Variants in UNC93A observed in about 807,000 individuals in gnomAD.
UNC93A encodes N-acetylglucosamine transporter UNC93A.
UNC93A carries 43 observed loss-of-function variants against 47.5 expected under a neutral mutation model. The ratio of observed to expected loss-of-function variants is 0.91; its 90% CI spans 0.71 to 1.17. The LOEUF is 1.17. Among genes scored for constraint, UNC93A ranks in the 50% most tolerant of loss-of-function variants. The probability of loss-of-function intolerance (pLI) is 0.00; values close to 1 mark genes in which losing one functional copy is unlikely to be tolerated. For synonymous variants in UNC93A, 280 were observed against 258.0 expected (o/e 1.09, Z -0.82); for missense variants, 605 against 577.6 (o/e 1.05, Z -0.49).
intron 4 of UNC93A, among the ~76,000 whole-genome samples, chr6:167,300,732 C>T (rs1778220040): frequency 6.6e-6 from 1 of 152,138 alleles, no homozygotes; most frequent in Admixed American, 6.5e-5. Flanking sequence ...GCTTCCCCAA[C>T]ACTTCCCCTC....
chr6:167,295,962 A>C, intron 2 of UNC93A, 70 bp from the exon 3 acceptor site: 1 of 1,440,018 alleles, frequency 6.9e-7, no homozygotes, highest in East Asian at 2.3e-5. Flanking sequence ...TGACTAAAGA[A>C]CTGCAGGGAC....
chr6:167,295,301 A>T (rs1778027631), intron 2 of UNC93A, among the ~76,000 whole-genome samples: 1 of 152,254 alleles, frequency 6.6e-6, no homozygotes, highest in South Asian at 2.1e-4. Flanking sequence ...TCTTCCCGGT[A>T]GCTGCAGAGT....
chr6:167,275,360 T>C (rs1416292630), intron 1 of UNC93A, among the ~76,000 whole-genome samples: 2 of 152,224 alleles, frequency 1.3e-5, no homozygotes, highest in Non-Finnish European at 2.9e-5. Flanking sequence ...TCTGTTGGAA[T>C]ACAGGTCAGT....
At chr6:167,292,995 C>A (rs909709231) in intron 1 of UNC93A, among the ~76,000 whole-genome samples, 1 of 152,136 alleles carries the variant, frequency 6.6e-6, no homozygotes. Context: ...GAAAATTGGC[C>A]TCTGGACTTG....
upstream of UNC93A, among the ~76,000 whole-genome samples, chr6:167,290,761 CT>C (rs1286078198): frequency 6.6e-6 from 1 of 152,192 alleles, no homozygotes; most frequent in East Asian, 1.9e-4. Context: ...TTTAACTTTT[CT>C]GAAGCTGTTT....
Position 167,315,377 on chromosome 6 carries a change from C to G in UNC93A, c.1299C>G (p.Ser433=). Residue 433 remains serine, a synonymous_variant, in exon 8 of 8, where the codon TCC becomes TCG. Transcript: ENST00000230256. ...VAYGLVECVE[S]KNPIRPHAPG... is the part of the protein sequence containing the mutation. ...ATGGGCTTGTGGAGTGCGTGGAGTC[C>G]AAGAACCCGATCAGACCCCACGCTC... The G allele has an allele frequency of 1.2e-6, 2 of 1,613,904 alleles. No homozygotes were observed. The highest frequency in any genetic ancestry group is 1.7e-6 in the Non-Finnish European group (2 of 1,179,866).
chr6:167,305,844 G>A (rs1429606766), intron 5 of UNC93A, 71 bp from the exon 6 acceptor site: 4 of 1,604,960 alleles, frequency 2.5e-6, no homozygotes, highest in South Asian at 2.2e-5. Context: ...CTAAGCACCC[G>A]ACTGCAGCTT....
intron 7 of UNC93A, 61 bp from the exon 8 acceptor site, chr6:167,315,126 T>G: frequency 1.9e-6 from 3 of 1,586,066 alleles, no homozygotes; most frequent in Non-Finnish European, 2.6e-6. Flanking sequence ...TGTGCTCTTT[T>G]CACAAACAGG....
chr6:167,313,006 G>C (rs1778600109), intron 7 of UNC93A, among the ~76,000 whole-genome samples: 1 of 152,136 alleles, frequency 6.6e-6, no homozygotes, highest in African/African-American at 2.4e-5. Context: ...TTTCTTAAAG[G>C]CAGTTCCAGC....
chr6:167,295,452 C>T (rs1229030066), intron 2 of UNC93A, among the ~76,000 whole-genome samples: 7 of 114,604 alleles, frequency 6.1e-5, no homozygotes, highest in South Asian at 3.0e-4. Flanking sequence ...TCGTGCTCCT[C>T]GCCTCCCTCG....
intron 7 of UNC93A, 49 bp from the exon 8 acceptor site, chr6:167,315,138 T>C: frequency 1.3e-6 from 2 of 1,597,188 alleles, no homozygotes; most frequent in South Asian, 2.3e-5. Flanking sequence ...ACAAACAGGG[T>C]CACTGTGGGG....
intron 3 of UNC93A, among the ~76,000 whole-genome samples, chr6:167,297,701 C>G (rs892328448): frequency 5.9e-5 from 9 of 152,160 alleles, no homozygotes; most frequent in Admixed American, 3.9e-4. Flanking sequence ...TCATTCTTCC[C>G]TGAATCTTTG....
intron 1 of UNC93A, chr6:167,271,572 G>T (rs191356033): frequency 7.2e-5 from 11 of 152,232 alleles, no homozygotes; most frequent in African/African-American, 2.7e-4. Context: ...TGGTTTACAG[G>T]CTCGTCAGCC....
chr6:167,269,777 T>C (rs867472722), upstream of UNC93A, among the ~76,000 whole-genome samples: 2 of 151,628 alleles, frequency 1.3e-5, no homozygotes, highest in East Asian at 3.9e-4. Context: ...TGGCTTTTTT[T>C]TGTGTGTGTG....
intron 7 of UNC93A, among the ~76,000 whole-genome samples, chr6:167,310,407 G>C (rs1242339884): frequency 6.6e-6 from 1 of 152,286 alleles, no homozygotes; most frequent in East Asian, 1.9e-4. Context: ...ATGGACACAT[G>C]ATACTCTCAG....
chr6:167,295,888 A>T (rs111827414), intron 2 of UNC93A, 144 bp from the exon 3 acceptor site: 20 of 695,122 alleles, frequency 2.9e-5, no homozygotes, highest in Non-Finnish European at 4.7e-5. Flanking sequence ...GAATCCATCC[A>T]TCCAACCAGC....
Position 167,296,339 on chromosome 6 carries a change from A to G in UNC93A, c.499+78A>G, listed in dbSNP as rs138116852. On this transcript the variant is annotated intron_variant, in intron 3 of 7. Transcript: ENST00000230256. Reference sequence around the variant, plus strand: ...GATGGGGGAGAGGGTTCCTGATTTCAGTTGCACACCTGCCTTGATTCTGTA... The same window carrying G: ...GATGGGGGAGAGGGTTCCTGATTTCGGTTGCACACCTGCCTTGATTCTGTA... The G allele has an allele frequency of 1.1e-3, 1,567 of 1,445,906 alleles. 12 individuals are homozygous for G. The African/African-American group carries it at 0.017, about 16-fold the overall frequency. The allele number at this position is 1,445,906 out of a possible 1,614,324, so 89.6% of individuals were successfully genotyped here. A position where few individuals can be genotyped will look rare whatever the true frequency, so the allele number is the denominator to read the frequency against.
At position 167,291,557 on chromosome 6, in the gene UNC93A, G is replaced by A; in HGVS notation, c.68G>A (p.Gly23Glu). 1 of 1,613,140 alleles carries A rather than the reference G, an allele frequency of 6.2e-7. No homozygotes were observed. The highest frequency in any genetic ancestry group is 8.5e-7 in the Non-Finnish European group (1 of 1,179,604). The stretch of plus-strand genomic sequence containing the variant: ...TTCCTGCTTCTCTTTACAGCCTATG[G>A]AGGTCTGCAGAGCCTGCAGGTATGT... Reference protein sequence around the residue: ...FGFLLLFTAYGGLQSLQSSLY... With the variant: ...FGFLLLFTAYEGLQSLQSSLY... Residue 23 changes from glycine to glutamate, a missense_variant, in exon 1 of 8, where the codon GGA (glycine) becomes GAA (glutamate). Gly to Glu is a moderately conservative substitution (Grantham distance 98). Coordinates refer to ENST00000230256, the MANE Select transcript of UNC93A (RefSeq NM_018974.4).
At chr6:167,295,330 G>A (rs1555031) in intron 2 of UNC93A, among the ~76,000 whole-genome samples, 17,350 of 152,256 alleles carry the variant, frequency 0.11, 1,198 homozygotes, top group East Asian at 0.31. Flanking sequence ...GCATGCCGCC[G>A]CTGAGGCCCG....
Sources: gnomAD v4.1 joint callset for allele counts (sites outside exome capture counted in the v4.1 genomes callset) on GRCh38, gnomAD v4.1.1 for gene constraint, MANE v1.5 for transcripts, NCBI Gene and HGNC (gene_info 2026-07-23, HGNC 2026-07-21) for gene names.